The following RANBP9 variants were observed in gnomAD, a reference collection of about 807,000 sequenced individuals.
The protein encoded by RANBP9 is RAN binding protein 9, also known as ran-binding protein 9.
Under a neutral mutation model 84.3 loss-of-function variants are expected in RANBP9, and 15 were observed. That is an observed-to-expected ratio of 0.18 (90% CI 0.12 to 0.27). The LOEUF (loss-of-function observed/expected upper bound fraction) is 0.27. Among genes scored for constraint, RANBP9 ranks in the 10% least tolerant of loss-of-function variants. RANBP9 has a pLI of 1.00. For synonymous variants in RANBP9, 392 were observed against 349.6 expected, an observed-to-expected ratio of 1.12 and a Z score of -1.35; for missense variants, 809 against 912.8, an observed-to-expected ratio of 0.89 and a Z score of 1.46.
chr6:13,634,699 G>C (rs917174834), intron 10 of RANBP9, 147 bp from the exon 11 acceptor site: 2 of 857,348 alleles, frequency 2.3e-6, no homozygotes, highest in African/African-American at 3.4e-5. Flanking sequence ...GTTAAATCTT[G>C]AACGTATTCA....
At chr6:13,634,390 C>T (rs1290602342) in intron 11 of RANBP9, 41 bp downstream of exon 11, 9 of 1,598,246 alleles carry the variant, frequency 5.6e-6, no homozygotes, top group Non-Finnish European at 7.7e-6. Flanking sequence ...ACCTTGTAGC[C>T]ATCATTTTTT....
intron 2 of RANBP9, among the ~76,000 whole-genome samples, chr6:13,678,977 G>C (rs746114220): frequency 2.0e-5 from 3 of 152,006 alleles, no homozygotes; most frequent in Non-Finnish European, 4.4e-5. Flanking sequence ...TGCACCAATG[G>C]AACTGAGGTA....
chr6:13,647,199 G>A (rs1387918639), intron 5 of RANBP9, among the ~76,000 whole-genome samples: 1 of 152,118 alleles, frequency 6.6e-6, no homozygotes, highest in Non-Finnish European at 1.5e-5. Context: ...GATATGTCTT[G>A]TAGCATTATT....
chr6:13,659,039 G>A (rs1221928857), intron 2 of RANBP9, among the ~76,000 whole-genome samples: 1 of 151,842 alleles, frequency 6.6e-6, no homozygotes, highest in Admixed American at 6.6e-5. Flanking sequence ...AAACTCATAT[G>A]GTAATAATTC....
chr6:13,707,048 T>C (rs1197260714), intron 1 of RANBP9, among the ~76,000 whole-genome samples: 5 of 149,536 alleles, frequency 3.3e-5, no homozygotes, highest in African/African-American at 1.2e-4. Flanking sequence ...TATTTACTTA[T>C]TTTTTTTTTA....
chr6:13,707,119 G>A (rs1036622471), intron 1 of RANBP9, among the ~76,000 whole-genome samples: 4 of 151,804 alleles, frequency 2.6e-5, no homozygotes, highest in Non-Finnish European at 5.9e-5. Flanking sequence ...AACCTCCTGG[G>A]CTCAACCAAT....
chr6:13,686,255 C>T (rs1164747105), intron 2 of RANBP9, among the ~76,000 whole-genome samples: 1 of 151,336 alleles, frequency 6.6e-6, no homozygotes, highest in African/African-American at 2.4e-5. Flanking sequence ...CAGGTGCATG[C>T]CACTACACCC....
At chr6:13,698,373 T>C (rs1180869942) in intron 1 of RANBP9, among the ~76,000 whole-genome samples, 3 of 152,210 alleles carry the variant, frequency 2.0e-5, no homozygotes, top group East Asian at 1.9e-4. Context: ...AAAGAAACAA[T>C]TGCACAAGTC....
rs530250078 is a variant in RANBP9, at chr6:13,688,055, TA to T, written c.683+8729del. On this transcript the variant is annotated intron_variant, in intron 2 of 13. Coordinates refer to ENST00000011619, the MANE Select transcript of RANBP9 (RefSeq NM_005493.3). ...ATCTTTTTTCAGAGCAGCATCAAGC[TA>T]CCTTGAGTTTGCTTCACACCAGGTA... 2.6e-3 allele frequency among the ~76,000 whole-genome samples: 393 copies of T among 152,354 alleles called. 1 individual carries two copies. The highest frequency in any genetic ancestry group is 4.3e-3 in the Non-Finnish European group (291 of 68,032).
chr6:13,644,524 T>C (rs375971667), intron 6 of RANBP9, 21 bp downstream of exon 6: 31 of 1,597,698 alleles, frequency 1.9e-5, no homozygotes, highest in Admixed American at 1.4e-4. Flanking sequence ...ATAGCATCAA[T>C]TGAAATTTCT....
At chr6:13,637,611 G>C (rs1764969554) in intron 10 of RANBP9, among the ~76,000 whole-genome samples, 197 bp downstream of exon 10, 1 of 152,142 alleles carries the variant, frequency 6.6e-6, no homozygotes, top group African/African-American at 2.4e-5. Context: ...AAGAAACTAA[G>C]GAAAGAGCTC....
chr6:13,629,921 C>CTCTCTCGT (rs1554221305), intron 12 of RANBP9, among the ~76,000 whole-genome samples: 1 of 128,342 alleles, frequency 7.8e-6, no homozygotes, highest in African/African-American at 2.8e-5. Flanking sequence ...CTCTCTCTCT[C>CTCTCTCGT]GTGTGTGTGT....
At chr6:13,624,745 C>T (rs190596254) in intron 13 of RANBP9, among the ~76,000 whole-genome samples, 1 of 152,234 alleles carries the variant, frequency 6.6e-6, no homozygotes, top group African/African-American at 2.4e-5. Flanking sequence ...ATGCTCACCC[C>T]TGGCTAAGCC....
intron 13 of RANBP9, among the ~76,000 whole-genome samples, chr6:13,623,263 T>C (rs1764506314): frequency 1.3e-5 from 2 of 152,138 alleles, no homozygotes; most frequent in South Asian, 4.1e-4. Flanking sequence ...GAAGGCAATG[T>C]CCAAACTAAT....
At chr6:13,651,766 A>G (rs950262071) in intron 5 of RANBP9, among the ~76,000 whole-genome samples, 23 of 152,064 alleles carry the variant, frequency 1.5e-4, no homozygotes, top group Non-Finnish European at 5.9e-5. Context: ...ATGACAAATA[A>G]AAGTCCACAA....
intron 2 of RANBP9, among the ~76,000 whole-genome samples, chr6:13,684,254 TTTCA>T (rs1178928923): frequency 6.6e-6 from 1 of 152,214 alleles, no homozygotes; most frequent in Non-Finnish European, 1.5e-5. Context: ...TTCTCTTGTC[TTTCA>T]TTGTTATGCC....
chr6:13,657,410 C>T (rs1034532760), intron 3 of RANBP9, 134 bp from the exon 4 acceptor site: 6 of 614,260 alleles, frequency 9.8e-6, no homozygotes, highest in Non-Finnish European at 1.2e-5. Context: ...CATTTAAATT[C>T]TCAACAATTA....
chr6:13,646,674 GA>G (rs1765181564), intron 5 of RANBP9, among the ~76,000 whole-genome samples: 1 of 151,986 alleles, frequency 6.6e-6, no homozygotes, highest in Admixed American at 6.6e-5. Flanking sequence ...TGAATTCTCT[GA>G]TAAAACTATT....
At chr6:13,658,478 G>A (rs1344147724) in intron 3 of RANBP9, among the ~76,000 whole-genome samples, 1 of 151,978 alleles carries the variant, frequency 6.6e-6, no homozygotes, top group African/African-American at 2.4e-5. Flanking sequence ...GCCTGGTGGC[G>A]CATGCCTGTG....
Sources: gnomAD v4.1 joint callset for allele counts (sites outside exome capture counted in the v4.1 genomes callset) on GRCh38, gnomAD v4.1.1 for gene constraint, MANE v1.5 for transcripts, NCBI Gene and HGNC (gene_info 2026-07-23, HGNC 2026-07-21) for gene names.